The following NMT2 variants were observed in gnomAD, a reference collection of about 807,000 sequenced individuals.
The protein encoded by NMT2 is N-myristoyltransferase 2.
In NMT2, 35 loss-of-function variants were observed where a neutral mutation model predicts 65.4. That is an observed-to-expected ratio of 0.54 (90% CI 0.41 to 0.71). NMT2 has a LOEUF of 0.71. Ranked by LOEUF, NMT2 falls within the 30% of genes least tolerant of loss-of-function variation. NMT2 has a pLI of 0.00. For synonymous variants in NMT2, 226 were observed against 231.8 expected (o/e 0.98, Z 0.23); for missense variants, 489 against 611.3 (o/e 0.80, Z 2.11).
At chr10:15,166,747 T>C (rs994443871) in intron 1 of NMT2, among the ~76,000 whole-genome samples, 2 of 152,250 alleles carry the variant, frequency 1.3e-5, no homozygotes, top group African/African-American at 2.4e-5. Flanking sequence ...TGTGCTGATA[T>C]ACAAAACTGA....
chr10:15,121,273 G>A (rs1335162456), intron 8 of NMT2, among the ~76,000 whole-genome samples: 2 of 152,102 alleles, frequency 1.3e-5, no homozygotes, highest in African/African-American at 2.4e-5. Flanking sequence ...TAATCTAGCA[G>A]TTCCACTCTT....
At chr10:15,130,385 A>G (rs1182058587) in intron 6 of NMT2, 73 bp from the exon 7 acceptor site, 1 of 1,099,546 alleles carries the variant, frequency 9.1e-7, no homozygotes, top group Non-Finnish European at 1.3e-6. Flanking sequence ...ATTTTAAAAA[A>G]TAAGATGATA....
intron 1 of NMT2, among the ~76,000 whole-genome samples, chr10:15,159,648 G>A (rs552435659): frequency 2.6e-5 from 4 of 152,194 alleles, no homozygotes; most frequent in African/African-American, 7.2e-5. Context: ...GGCTGCTCTC[G>A]AACTACTGAC....
intron 1 of NMT2, chr10:15,168,221 G>T: frequency 3.3e-6 from 1 of 307,162 alleles, no homozygotes; most frequent in Non-Finnish European, 6.0e-6. Context: ...GCCGCCGGCG[G>T]GGATGGGCGA....
chr10:15,107,861 C>A lies in NMT2; in HGVS notation c.*1334G>T. The stretch of plus-strand genomic sequence containing the variant: ...GCAATATAAACACACATCTGTAAGC[C>A]ATGAAAGTTTTTCAAATTCTAGATT... On this transcript the variant is annotated 3_prime_UTR_variant, in exon 12 of 12. Transcript: ENST00000378165. 1.0e-6 allele frequency: 1 copy of A among 985,726 alleles called. No homozygotes were observed. The highest frequency in any genetic ancestry group is 1.2e-6 in the Non-Finnish European group (1 of 829,880). The allele number at this position is 985,726 out of a possible 1,614,324, so 61.1% of individuals were successfully genotyped here.
At chr10:15,146,382 G>A (rs146146901) in intron 1 of NMT2, among the ~76,000 whole-genome samples, 63 of 152,350 alleles carry the variant, frequency 4.1e-4, no homozygotes, top group African/African-American at 1.4e-3. Context: ...CTTTACAGGT[G>A]GTCCAGGATG....
At chr10:15,160,303 C>T (rs1046382561) in intron 1 of NMT2, among the ~76,000 whole-genome samples, 5 of 152,056 alleles carry the variant, frequency 3.3e-5, no homozygotes, top group Admixed American at 6.6e-5. Flanking sequence ...TGAAGATAAC[C>T]GTGTTCCACC....
chr10:15,136,978 C>T (rs1383285075), intron 2 of NMT2, among the ~76,000 whole-genome samples: 1 of 152,056 alleles, frequency 6.6e-6, no homozygotes, highest in Non-Finnish European at 1.5e-5. Context: ...AACTTTGATA[C>T]CATGCAAAGA....
chr10:15,133,579 A>G lies in NMT2; in HGVS notation c.392-216T>C, dbSNP rs185985529. On this transcript the variant is annotated intron_variant, in intron 3 of 11. Coordinates refer to ENST00000378165, the MANE Select transcript of NMT2 (RefSeq NM_004808.3). ...GTGTGAAATCATTGCTGTTTCACCA[A>G]TTATTTTTCTTTTCTTTTTTCTTTT... Among the ~76,000 whole-genome samples, 254 of 152,140 alleles carry G rather than the reference A, an allele frequency of 1.7e-3. 1 individual carries two copies. The highest frequency in any genetic ancestry group is 5.9e-3 in the African/African-American group (244 of 41,502).
intron 2 of NMT2, among the ~76,000 whole-genome samples, chr10:15,140,648 G>T (rs1564578662): frequency 6.6e-6 from 1 of 152,128 alleles, no homozygotes; most frequent in African/African-American, 2.4e-5. Context: ...CTCCCAAAGT[G>T]CTGGGACTAC....
At chr10:15,124,602 C>T (rs906390799) in intron 8 of NMT2, among the ~76,000 whole-genome samples, 2 of 152,208 alleles carry the variant, frequency 1.3e-5, no homozygotes, top group Non-Finnish European at 2.9e-5. Context: ...TTGATCTATA[C>T]AGCAAAAGCT....
At chr10:15,154,462 T>G (rs1054963996) in intron 1 of NMT2, among the ~76,000 whole-genome samples, 5 of 152,226 alleles carry the variant, frequency 3.3e-5, no homozygotes, top group African/African-American at 4.8e-5. Context: ...GTGCCCCTTA[T>G]CCTCAAGAAG....
chr10:15,133,175 G>T (rs367943615), intron 4 of NMT2, 31 bp from the exon 5 acceptor site: 9 of 1,602,786 alleles, frequency 5.6e-6, no homozygotes, highest in Non-Finnish European at 7.7e-6. Flanking sequence ...CCTATCCATG[G>T]TGCTCAGAAT....
intron 1 of NMT2, among the ~76,000 whole-genome samples, chr10:15,164,566 A>G (rs1833314413): frequency 6.6e-6 from 1 of 152,226 alleles, no homozygotes; most frequent in Non-Finnish European, 1.5e-5. Context: ...CCGGACATCA[A>G]AAGGACAGCG....
chr10:15,149,335 C>T (rs1162308273), intron 1 of NMT2, among the ~76,000 whole-genome samples: 1 of 142 alleles, frequency 7.0e-3, no homozygotes, highest in African/African-American at 0.036. Context: ...ACCATCACAT[C>T]ATCATCACCA....
chr10:15,125,988 G>A (rs750275579), intron 8 of NMT2, among the ~76,000 whole-genome samples: 11 of 151,762 alleles, frequency 7.2e-5, no homozygotes, highest in Non-Finnish European at 1.2e-4. Context: ...CAATTCACAC[G>A]TCACAACACT....
intron 1 of NMT2, among the ~76,000 whole-genome samples, chr10:15,159,901 G>A (rs899172796): frequency 3.3e-5 from 5 of 152,208 alleles, no homozygotes; most frequent in African/African-American, 9.6e-5. Flanking sequence ...GAGATGAGGT[G>A]AGAGCAACTG....
At chr10:15,135,671 T>C (rs1846457237) in intron 2 of NMT2, among the ~76,000 whole-genome samples, 1 of 152,170 alleles carries the variant, frequency 6.6e-6, no homozygotes, top group Non-Finnish European at 1.5e-5. Flanking sequence ...CACGCTTTGC[T>C]TCAGTTTCCC....
chr10:15,112,552 A>T (rs1314214115), intron 10 of NMT2, among the ~76,000 whole-genome samples: 1 of 152,038 alleles, frequency 6.6e-6, no homozygotes. Context: ...TATAAGGATT[A>T]AACATTTATA....
Sources: allele counts gnomAD v4.1 joint callset (sites outside exome capture counted in the v4.1 genomes callset), GRCh38; gene constraint gnomAD v4.1.1; transcripts MANE v1.5; gene names NCBI Gene and HGNC (gene_info 2026-07-23, HGNC 2026-07-21).